The following KMT2C variants were observed in gnomAD, a reference collection of about 807,000 sequenced individuals.
The protein encoded by KMT2C is lysine methyltransferase 2C, also known as histone-lysine N-methyltransferase 2C.
Under a neutral mutation model 507.9 loss-of-function variants are expected in KMT2C, and 88 were observed. The ratio of observed to expected loss-of-function variants is 0.17; its 90% CI spans 0.15 to 0.21. The LOEUF (loss-of-function observed/expected upper bound fraction) is 0.21. Among genes scored for constraint, KMT2C ranks in the 10% least tolerant of loss-of-function variants. The probability of loss-of-function intolerance (pLI) is 1.00; values close to 1 mark genes in which losing one functional copy is unlikely to be tolerated. For missense variants in KMT2C, 4,954 were observed against 5,957.8 expected, an observed-to-expected ratio of 0.83 and a Z score of 5.55; for synonymous variants, 2,049 against 2,080.8, an observed-to-expected ratio of 0.98 and a Z score of 0.42.
intron 16 of KMT2C, among the ~76,000 whole-genome samples, chr7:152,234,179 A>G (rs1318184680): frequency 6.6e-6 from 1 of 151,972 alleles, no homozygotes; most frequent in Non-Finnish European, 1.5e-5. Flanking sequence ...GGAGTTCGAG[A>G]CCAGCCTGGC....
chr7:152,396,801 G>C (rs959912774), intron 1 of KMT2C, among the ~76,000 whole-genome samples: 5 of 152,184 alleles, frequency 3.3e-5, no homozygotes, highest in Admixed American at 6.6e-5. Context: ...GGGAATCCAA[G>C]CCAACACCTC....
At chr7:152,230,878 C>T (rs1199285460) in intron 16 of KMT2C, among the ~76,000 whole-genome samples, 4 of 152,196 alleles carry the variant, frequency 2.6e-5, no homozygotes, top group African/African-American at 9.6e-5. Context: ...AGTGTAATGG[C>T]GCGATCTCGG....
chr7:152,229,201 G>A (rs2129150352), intron 18 of KMT2C, among the ~76,000 whole-genome samples: 1 of 152,188 alleles, frequency 6.6e-6, no homozygotes, highest in East Asian at 1.9e-4. Context: ...ATTTCCTTGT[G>A]GAGTATACAG....
At chr7:152,335,658 C>CT (rs1159329759) in intron 2 of KMT2C, among the ~76,000 whole-genome samples, 1 of 152,130 alleles carries the variant, frequency 6.6e-6, no homozygotes, top group Non-Finnish European at 1.5e-5. Context: ...ACAGTTTCAG[C>CT]TTTTTCCTTA....
chr7:152,144,976 T>C lies in KMT2C; in HGVS notation c.14175-95A>G. 1 of 1,417,888 alleles carries C rather than the reference T, an allele frequency of 7.1e-7. No homozygotes were observed. Among genetic ancestry groups the C allele is most frequent in the Non-Finnish European group, 9.5e-7 (1 of 1,050,320 alleles). The allele number at this position is 1,417,888 out of a possible 1,614,324, so 87.8% of individuals were successfully genotyped here. ...AAACCAGGTTAATTCAGATTCTTAC[T>C]GACAGAAACATACATGGAAAGCTGC... On this transcript the variant is annotated intron_variant, in intron 54 of 58. Transcript: ENST00000262189. The surrounding 1 kb of genome is among the most constrained non-coding windows in gnomAD (Gnocchi z 4.4).
intron 1 of KMT2C, among the ~76,000 whole-genome samples, chr7:152,391,813 G>T (rs543036239): frequency 2.6e-3 from 398 of 152,210 alleles, no homozygotes; most frequent in Admixed American, 6.5e-3. Context: ...GGCCGTTCTT[G>T]TTTTTCCTGT....
Position 152,248,440 on chromosome 7 carries a change from T to G in KMT2C, c.1994A>C (p.Glu665Ala). The G allele has an allele frequency of 6.2e-7, 1 of 1,614,148 alleles. No homozygotes were observed. The highest frequency in any genetic ancestry group is 8.5e-7 in the Non-Finnish European group (1 of 1,180,016). Residue 665 changes from glutamate (E) to alanine (A), a missense_variant, in exon 14 of 59, where the codon GAA (glutamate) becomes GCA (alanine). Physicochemically the swap from Glu to Ala is moderately radical, Grantham distance 107 (BLOSUM62 -1). Around this residue, in one of 29 missense-constraint regions of KMT2C, gnomAD observed 376 missense variants for 352.4 expected, o/e 1.07. Transcript: ENST00000262189. Reference protein sequence around the residue: ...VVTHQITVQQEQLQLLEEPET... With the variant: ...VVTHQITVQQAQLQLLEEPET... ...AGGTTCCTCTAACAACTGCAGTTGT[T>G]CTTGCTGCACAGTGATCTGGTGTGT...
intron 8 of KMT2C, among the ~76,000 whole-genome samples, chr7:152,264,576 C>G (rs1588703294): frequency 6.6e-6 from 1 of 152,234 alleles, no homozygotes; most frequent in Middle Eastern, 3.4e-3. Flanking sequence ...AATGGAAATT[C>G]AAACACATGA....
At chr7:152,196,487 A>T (rs1441896845) in intron 27 of KMT2C, among the ~76,000 whole-genome samples, 1 of 152,204 alleles carries the variant, frequency 6.6e-6, no homozygotes, top group Non-Finnish European at 1.5e-5. Context: ...AACTACTTGC[A>T]GCTTTGCTGT....
In KMT2C at chr7:152,178,014, T is replaced by C. The variant is rs201196812; in HGVS notation, c.7443-4A>G. Reference sequence around the variant, plus strand: ...ACTACCTCCTGGAAATCCAAATCTTTTAAAAAAAAAAAAAAAAAAAAAAAA... The same window carrying C: ...ACTACCTCCTGGAAATCCAAATCTTCTAAAAAAAAAAAAAAAAAAAAAAAA... On this transcript the variant is annotated splice_polypyrimidine_tract_variant and splice_region_variant and intron_variant, in intron 37 of 58. Coordinates refer to ENST00000262189, the MANE Select transcript of KMT2C (RefSeq NM_170606.3). 84 of 1,129,684 alleles carry C rather than the reference T, an allele frequency of 7.4e-5. No individual in the cohort carries two copies. In the East Asian group the frequency reaches 2.7e-3, roughly 36 times the overall value. The allele number at this position is 1,129,684 out of a possible 1,614,324, so 70.0% of individuals were successfully genotyped here. A position where few individuals can be genotyped will look rare whatever the true frequency, so the allele number is the denominator to read the frequency against.
intron 1 of KMT2C, among the ~76,000 whole-genome samples, chr7:152,401,705 A>G (rs2097575129): frequency 6.6e-6 from 1 of 152,254 alleles, no homozygotes; most frequent in African/African-American, 2.4e-5. Context: ...ATAAATAAAT[A>G]AACAAACAAA....
intron 26 of KMT2C, among the ~76,000 whole-genome samples, chr7:152,199,810 C>A (rs541994860): frequency 1.3e-5 from 2 of 152,210 alleles, no homozygotes; most frequent in Non-Finnish European, 2.9e-5. Flanking sequence ...TGATCTACGG[C>A]TTTAATATTT....
chr7:152,366,986 G>A, intron 1 of KMT2C: 1 of 556,220 alleles, frequency 1.8e-6, no homozygotes, highest in Non-Finnish European at 3.2e-6. Flanking sequence ...GCCAGTTGCA[G>A]CCCCGGCCGC....
chr7:152,430,274 GCA>G (rs1210287702), intron 1 of KMT2C, among the ~76,000 whole-genome samples: 12 of 150,434 alleles, frequency 8.0e-5, no homozygotes, highest in African/African-American at 2.4e-4. Context: ...AACCACTGTA[GCA>G]CAAACATGAT....
chr7:152,208,204 T>C (rs1465492350), intron 23 of KMT2C, among the ~76,000 whole-genome samples: 6 of 152,212 alleles, frequency 3.9e-5, no homozygotes, highest in African/African-American at 7.2e-5. Flanking sequence ...GCAAGGCCCA[T>C]TACAACAGTC....
intron 40 of KMT2C, among the ~76,000 whole-genome samples, chr7:152,171,063 G>A (rs972178258): frequency 2.0e-5 from 3 of 152,194 alleles, no homozygotes; most frequent in Admixed American, 6.5e-5. Flanking sequence ...TTTTGGCTGT[G>A]CTGATAGATA....
At chr7:152,290,218 A>ATGTGTGTGTGTGTG (rs1453293217) in intron 6 of KMT2C, among the ~76,000 whole-genome samples, 1 of 108,744 alleles carries the variant, frequency 9.2e-6, no homozygotes, top group Non-Finnish European at 1.7e-5. Context: ...TTTTATATAT[A>ATGTGTGTGTGTGTG]TATGTGTGTG....
chr7:152,406,385 G>A (rs2097614655), intron 1 of KMT2C, among the ~76,000 whole-genome samples: 2 of 151,684 alleles, frequency 1.3e-5, no homozygotes, highest in African/African-American at 4.9e-5. Flanking sequence ...AGTCCAGGGT[G>A]CAATGAGCCA....
chr7:152,389,523 C>T (rs982436035), intron 1 of KMT2C, among the ~76,000 whole-genome samples: 3 of 151,772 alleles, frequency 2.0e-5, no homozygotes, highest in African/African-American at 7.3e-5. Context: ...GGCACAATCA[C>T]AGCTTACTGC....
Sources: gnomAD v4.1 joint callset for allele counts (sites outside exome capture counted in the v4.1 genomes callset) on GRCh38, gnomAD v4.1.1 for gene constraint, gnomAD v4.1.1 regional missense constraint, Gnocchi (gnomAD v3.1) non-coding constraint, MANE v1.5 for transcripts, NCBI Gene and HGNC (gene_info 2026-07-23, HGNC 2026-07-21) for gene names.